GRIP2: variants seen among roughly 807,000 people sequenced by gnomAD.
GRIP2 encodes the protein glutamate receptor-interacting protein 2.
In GRIP2, 58 loss-of-function variants were observed where a neutral mutation model predicts 108.3. That is an observed-to-expected ratio of 0.54 (90% CI 0.43 to 0.67). The LOEUF (loss-of-function observed/expected upper bound fraction) is 0.67, where lower values mean the gene tolerates loss of function less well. Ranked by LOEUF, GRIP2 falls within the 30% of genes least tolerant of loss-of-function variation. GRIP2 has a pLI of 0.00. For missense variants in GRIP2, 1,278 were observed against 1,430.6 expected (o/e 0.89, Z 1.72); for synonymous variants, 586 against 598.2 (o/e 0.98, Z 0.30).
chr3:14,514,530 C>T, intron 11 of GRIP2, 52 bp from the exon 12 acceptor site: 1 of 1,470,038 alleles, frequency 6.8e-7, no homozygotes, highest in Non-Finnish European at 9.1e-7. Flanking sequence ...CGGAGGTCTT[C>T]CTGCCAGGGC....
rs1701341413 is a variant in GRIP2 at position 14,491,715 on chromosome 3, T to A, written c.*1950A>T. ...TTCCCAAGCCGAGAGGCCCTGAGAG[T>A]GTGTCCTGTCCAGCCCTGTTGCTTA... On this transcript the variant is annotated 3_prime_UTR_variant, in exon 24 of 24. Transcript: ENST00000621039. 6.6e-6 allele frequency: 1 copy of A among 152,190 alleles called. No homozygotes were observed. 9.4% of individuals were successfully genotyped at this position (152,190 alleles called of 1,614,324 possible). A position where few individuals can be genotyped will look rare whatever the true frequency, so the allele number is the denominator to read the frequency against.
chr3:14,595,948 A>G, the GRIP2 span, among the ~76,000 whole-genome samples: 1 of 152,204 alleles, frequency 6.6e-6, no homozygotes, highest in Non-Finnish European at 1.5e-5. Flanking sequence ...GGCACTTCAG[A>G]CTCAAGGAGG....
chr3:14,577,475 T>C, the GRIP2 span, among the ~76,000 whole-genome samples: 1 of 152,180 alleles, frequency 6.6e-6, no homozygotes, highest in Non-Finnish European at 1.5e-5. Context: ...CAAATGACAG[T>C]GTCCATCCTA....
In GRIP2 at chr3:14,525,834, G is replaced by T. The variant is rs900129735; in HGVS notation, c.121+17C>A. The T allele has an allele frequency of 6.4e-7, 1 of 1,553,806 alleles. No individual in the cohort carries two copies. Among genetic ancestry groups the T allele is most frequent in the African/African-American group, 1.4e-5 (1 of 73,142 alleles). ...CCTCCAGGGCAGAAAAAGAGGGAAT[G>T]AGGGAAGCCTCATTACCTGGAATGC... is the stretch of plus-strand genomic sequence containing the variant. On this transcript the variant is annotated intron_variant, in intron 2 of 23. Coordinates refer to ENST00000621039, the MANE Select transcript of GRIP2 (RefSeq NM_001080423.4).
At chr3:14,602,290 A>C in the GRIP2 span, 2 of 102,784 alleles carry the variant, frequency 1.9e-5, no homozygotes, top group East Asian at 3.1e-4. This position sits in a 1 kb window ranked among gnomAD's most constrained non-coding sequence, Gnocchi z 4.7. Flanking sequence ...GGCCCCGCGC[A>C]GGGGTTGAGC....
rs534092549 is a variant in GRIP2 at position 14,518,874 on chromosome 3, C to T, written c.1031-977G>A. Among the ~76,000 whole-genome samples, 11 of 152,290 alleles carry T rather than the reference C, an allele frequency of 7.2e-5. No homozygotes were observed. In the East Asian group the frequency reaches 1.7e-3, roughly 24 times the overall value. On this transcript the variant is annotated intron_variant, in intron 9 of 23. Transcript: ENST00000621039. Reference sequence around the variant, plus strand: ...GGGACCAAGAGAGTGGCCACCTCCTCGGGTAATGGGGAGGGTTAGAATGAG... The same window carrying T: ...GGGACCAAGAGAGTGGCCACCTCCTTGGGTAATGGGGAGGGTTAGAATGAG...
chr3:14,600,612 A>G, the GRIP2 span, among the ~76,000 whole-genome samples: 1 of 152,122 alleles, frequency 6.6e-6, no homozygotes, highest in East Asian at 1.9e-4. Flanking sequence ...CTGTCCCTGC[A>G]TCTATCCCTG....
At chr3:14,540,475 T>C (rs537661975), upstream of GRIP2, 4 of 1,489,184 alleles carry the variant, frequency 2.7e-6, no homozygotes, top group African/African-American at 2.8e-5. This position sits in a 1 kb window ranked among gnomAD's most constrained non-coding sequence, Gnocchi z 4.1. Context: ...AAAGGGGACA[T>C]GGCTATTGTC....
the GRIP2 span, among the ~76,000 whole-genome samples, chr3:14,564,962 G>C: frequency 6.6e-6 from 1 of 152,248 alleles, no homozygotes; most frequent in African/African-American, 2.4e-5. Flanking sequence ...GAGCATGTGG[G>C]TGGTGTGATT....
chr3:14,517,100 G>A lies in GRIP2; in HGVS notation c.1270C>T (p.Arg424Trp), dbSNP rs749496081. The A allele has an allele frequency of 5.0e-6, 8 of 1,604,738 alleles. No individual in the cohort carries two copies. Among genetic ancestry groups the A allele is most frequent in the South Asian group, 2.2e-5 (2 of 89,840 alleles). ...TGTTCCCTTCTTCGCTGCCTCCTCC[G>A]CCCCATTGTAGTTCGAGGACTCATG... The part of the protein sequence containing the change: ...QPMSPRTTMG[R>W]RRQRRREHKS... Residue 424 changes from arginine to tryptophan, a missense_variant, in exon 11 of 24, where the codon CGG (arginine) becomes TGG (tryptophan). By Grantham distance (101) the Arg-to-Trp change is moderately radical. Transcript: ENST00000621039.
intron 3 of GRIP2, 29 bp from the exon 4 acceptor site, chr3:14,524,567 G>A (rs372761570): frequency 3.9e-6 from 6 of 1,548,412 alleles, no homozygotes; most frequent in Non-Finnish European, 5.2e-6. Context: ...GGCACACATG[G>A]TAACAGGTGC....
At chr3:14,517,494 CTTTTTTTTT>C (rs146509076) in intron 10 of GRIP2, among the ~76,000 whole-genome samples, 2 of 107,754 alleles carry the variant, frequency 1.9e-5, no homozygotes, top group Non-Finnish European at 3.6e-5. Flanking sequence ...ATCTCTCTCT[CTTTTTTTTT>C]TTTTTTTTTT....
At position 14,540,185 on chromosome 3, in the gene GRIP2, C is replaced by T; in HGVS notation, c.40+84G>A. The T allele has an allele frequency of 6.6e-7, 1 of 1,522,240 alleles. No individual in the cohort carries two copies. Among genetic ancestry groups the T allele is most frequent in the Non-Finnish European group, 8.9e-7 (1 of 1,119,274 alleles). The allele number at this position is 1,522,240 out of a possible 1,614,324, so 94.3% of individuals were successfully genotyped here. ...GTGGCAGTCCCAGGTCTCAGCCATC[C>T]AGTCCCCTCTCTCTGGGCAGCAGCT... On this transcript the variant is annotated intron_variant, in intron 1 of 23. Coordinates refer to ENST00000621039, the MANE Select transcript of GRIP2 (RefSeq NM_001080423.4). This position sits in a 1 kb window ranked among gnomAD's most constrained non-coding sequence, Gnocchi z 4.1.
the GRIP2 span, among the ~76,000 whole-genome samples, chr3:14,599,034 A>G: frequency 6.6e-6 from 1 of 152,180 alleles, no homozygotes; most frequent in Non-Finnish European, 1.5e-5. Context: ...TGTTGTCTTC[A>G]TATCACTGAT....
chr3:14,534,615 A>G (rs1694790344), intron 1 of GRIP2, among the ~76,000 whole-genome samples: 1 of 151,932 alleles, frequency 6.6e-6, no homozygotes, highest in African/African-American at 2.4e-5. Flanking sequence ...CTCGCTTCAG[A>G]GGAAAATTCA....
Position 14,514,271 on chromosome 3 carries a change from G to A in GRIP2, c.1493+21C>T, listed in dbSNP as rs564222169. 9.6e-5 allele frequency: 147 copies of A among 1,533,072 alleles called. No individual in the cohort carries two copies. In the African/African-American group the frequency reaches 1.6e-3, roughly 17 times the overall value. The allele number at this position is 1,533,072 out of a possible 1,614,324, so 95.0% of individuals were successfully genotyped here. A position where few individuals can be genotyped will look rare whatever the true frequency, so the allele number is the denominator to read the frequency against. On this transcript the variant is annotated intron_variant, in intron 12 of 23. Coordinates refer to ENST00000621039, the MANE Select transcript of GRIP2 (RefSeq NM_001080423.4). Reference sequence around the variant, plus strand: ...CTCTCAGAGAGTGGCAGGCTCAGTAGGGAGGGGGCAGGAGGCTCACCTCTC... The same window carrying A: ...CTCTCAGAGAGTGGCAGGCTCAGTAAGGAGGGGGCAGGAGGCTCACCTCTC...
chr3:14,506,429 C>T (rs540853104), intron 19 of GRIP2, among the ~76,000 whole-genome samples: 36 of 152,272 alleles, frequency 2.4e-4, no homozygotes, highest in African/African-American at 8.7e-4. Context: ...TTTGGCCTCC[C>T]TATTTTCAAC....
At chr3:14,540,372 TC>T, upstream of GRIP2, 1 of 1,572,260 alleles carries the variant, frequency 6.4e-7, no homozygotes, top group Non-Finnish European at 8.7e-7. This position sits in a 1 kb window ranked among gnomAD's most constrained non-coding sequence, Gnocchi z 4.1. Flanking sequence ...TGGCCCTCCC[TC>T]CCCTCCCCAG....
chr3:14,494,588 T>C (rs1452871246), intron 23 of GRIP2, among the ~76,000 whole-genome samples: 1 of 152,206 alleles, frequency 6.6e-6, no homozygotes, highest in Non-Finnish European at 1.5e-5. Context: ...AATTCCAAGA[T>C]GGGCGGATGC....
Sources: gnomAD v4.1 joint callset for allele counts (sites outside exome capture counted in the v4.1 genomes callset) on GRCh38, gnomAD v4.1.1 for gene constraint, Gnocchi (gnomAD v3.1) non-coding constraint, MANE v1.5 for transcripts, NCBI Gene and HGNC (gene_info 2026-07-23, HGNC 2026-07-21) for gene names.